The following INTS8 variants were observed in gnomAD, a reference collection of about 807,000 sequenced individuals.
INTS8 encodes integrator complex subunit 8.
INTS8 carries 47 observed loss-of-function variants against 138.9 expected under a neutral mutation model. The observed-to-expected ratio is 0.34, with a 90% CI of 0.27 to 0.43. INTS8 has a LOEUF of 0.43. Ranked by LOEUF, INTS8 falls within the 20% of genes least tolerant of loss-of-function variation. INTS8 has a pLI of 1.00. For missense variants in INTS8, 996 were observed against 1,173.0 expected (o/e 0.85, Z 2.20); for synonymous variants, 392 against 400.9 (o/e 0.98, Z 0.27).
At chr8:94,871,177 T>C (rs1038761237) in intron 20 of INTS8, among the ~76,000 whole-genome samples, 6 of 151,956 alleles carry the variant, frequency 3.9e-5, no homozygotes, top group Middle Eastern at 3.2e-3. Context: ...AACTTAAAAA[T>C]CATTTGGGGG....
chr8:94,858,051 T>C (rs1012834978), intron 15 of INTS8, among the ~76,000 whole-genome samples: 2 of 152,252 alleles, frequency 1.3e-5, no homozygotes, highest in Non-Finnish European at 2.9e-5. Context: ...GAGTGTTTAA[T>C]TCTAATTGTA....
chr8:94,846,990 A>G (rs1815355016), intron 10 of INTS8, among the ~76,000 whole-genome samples: 1 of 152,196 alleles, frequency 6.6e-6, no homozygotes, highest in Non-Finnish European at 1.5e-5. Context: ...TGGTTTGCCA[A>G]TATATGAAGA....
chr8:94,865,432 T>C (rs1222874452), intron 16 of INTS8, 74 bp from the exon 17 acceptor site: 1 of 1,173,958 alleles, frequency 8.5e-7, no homozygotes, highest in Non-Finnish European at 1.2e-6. Flanking sequence ...TTTCCTCCAG[T>C]GTGCCTTGAT....
chr8:94,847,114 C>G (rs1815359564), intron 10 of INTS8, among the ~76,000 whole-genome samples: 1 of 152,082 alleles, frequency 6.6e-6, no homozygotes, highest in Non-Finnish European at 1.5e-5. Context: ...AATCTTGACT[C>G]ACTACAACTT....
intron 16 of INTS8, among the ~76,000 whole-genome samples, chr8:94,860,579 C>CAAAAAAA (rs58945163): frequency 2.5e-5 from 1 of 39,458 alleles, no homozygotes; most frequent in Admixed American, 3.0e-4. Flanking sequence ...AACTCTACCT[C>CAAAAAAA]AAAAAAAAAA....
intron 12 of INTS8, among the ~76,000 whole-genome samples, chr8:94,850,345 G>T (rs1372369499): frequency 6.6e-6 from 1 of 152,210 alleles, no homozygotes; most frequent in Non-Finnish European, 1.5e-5. Flanking sequence ...GGGCGTGGTG[G>T]CTCACGCCTG....
At chr8:94,853,781 A>G (rs777303354) in intron 13 of INTS8, 24 bp from the exon 14 acceptor site, 6 of 1,264,992 alleles carry the variant, frequency 4.7e-6, no homozygotes, top group South Asian at 2.4e-5. Flanking sequence ...GTGCATATAT[A>G]TATGTATTTT....
intron 20 of INTS8, among the ~76,000 whole-genome samples, chr8:94,869,036 G>T (rs1470677798): frequency 6.7e-6 from 1 of 148,954 alleles, no homozygotes; most frequent in Admixed American, 6.8e-5. Context: ...AGGCTGGAGT[G>T]CAGTGGCGCA....
At chr8:94,856,135 A>G (rs1328336728) in intron 14 of INTS8, among the ~76,000 whole-genome samples, 1 of 152,238 alleles carries the variant, frequency 6.6e-6, no homozygotes. Context: ...GAAAAGGGCA[A>G]TACATAGCAC....
In INTS8 at chr8:94,860,962, C is replaced by T. The variant is rs376284988; in HGVS notation, c.2076+1330C>T. Reference sequence around the variant, plus strand: ...GTCCCAGCTACTCGGGAGGCTGAGGCAGGAGAATGGCATGAACCCGGGAGG... The same window carrying T: ...GTCCCAGCTACTCGGGAGGCTGAGGTAGGAGAATGGCATGAACCCGGGAGG... On this transcript the variant is annotated intron_variant, in intron 16 of 26. Coordinates refer to ENST00000523731, the MANE Select transcript of INTS8 (RefSeq NM_017864.4). 4.0e-5 allele frequency among the ~76,000 whole-genome samples: 6 copies of T among 148,820 alleles called. No homozygotes were observed. In the East Asian group the frequency reaches 1.2e-3, roughly 30 times the overall value.
At chr8:94,832,270 T>G (rs986234354) in intron 6 of INTS8, 96 bp downstream of exon 6, 11 of 876,382 alleles carry the variant, frequency 1.3e-5, no homozygotes, top group Middle Eastern at 2.2e-4. Flanking sequence ...ATTTCTGCCT[T>G]TGTCTCTTAA....
chr8:94,874,091 A>G (rs1816494426), intron 22 of INTS8, among the ~76,000 whole-genome samples: 1 of 152,194 alleles, frequency 6.6e-6, no homozygotes, highest in Non-Finnish European at 1.5e-5. Context: ...ATCTACTCTC[A>G]GCAATTTTTT....
chr8:94,830,131 A>G (rs1393459972), intron 5 of INTS8, among the ~76,000 whole-genome samples: 3 of 152,154 alleles, frequency 2.0e-5, no homozygotes, highest in African/African-American at 7.2e-5. Flanking sequence ...CCTGACCTCA[A>G]GTGATCCACC....
At chr8:94,848,392 G>T (rs1018181375) in intron 10 of INTS8, among the ~76,000 whole-genome samples, 1 of 152,056 alleles carries the variant, frequency 6.6e-6, no homozygotes, top group Non-Finnish European at 1.5e-5. Context: ...AAGTCAGTGC[G>T]TTTTAGTGTA....
rs1329681030 is a variant in INTS8 at position 94,880,968 on chromosome 8, T to C, written c.*734T>C. ...TAATTTCTTTGGTACTCCCACTGTTTAGAGCACAGGTTGAACACCATGTTC... is the reference window on the plus strand; with the variant it reads ...TAATTTCTTTGGTACTCCCACTGTTCAGAGCACAGGTTGAACACCATGTTC... On this transcript the variant is annotated 3_prime_UTR_variant, in exon 27 of 27. Coordinates refer to ENST00000523731, the MANE Select transcript of INTS8 (RefSeq NM_017864.4). The C allele has an allele frequency of 7.5e-6, 3 of 398,688 alleles. No homozygotes were observed. Among genetic ancestry groups the C allele is most frequent in the South Asian group, 1.3e-4 (1 of 7,866 alleles). 24.7% of individuals were successfully genotyped at this position (398,688 alleles called of 1,614,324 possible). A position where few individuals can be genotyped will look rare whatever the true frequency, so the allele number is the denominator to read the frequency against.
chr8:94,851,061 C>T (rs1481187756), intron 12 of INTS8, among the ~76,000 whole-genome samples: 2 of 152,090 alleles, frequency 1.3e-5, no homozygotes, highest in East Asian at 1.9e-4. Context: ...TATTGAAGAC[C>T]GTATCTGATA....
At chr8:94,875,620 T>C (rs1295489991) in intron 23 of INTS8, among the ~76,000 whole-genome samples, 1 of 152,190 alleles carries the variant, frequency 6.6e-6, no homozygotes, top group East Asian at 1.9e-4. Flanking sequence ...TTATGGTTTC[T>C]GAATTAAATT....
At position 94,866,178 on chromosome 8, in the gene INTS8, T is replaced by A; in HGVS notation, c.2282T>A (p.Ile761Asn). The A allele has an allele frequency of 7.6e-7, 1 of 1,316,204 alleles. No homozygotes were observed. The highest frequency in any genetic ancestry group is 1.1e-6 in the Non-Finnish European group (1 of 927,790). The allele number at this position is 1,316,204 out of a possible 1,614,324, so 81.5% of individuals were successfully genotyped here. The change falls in exon 18 of 27, where the codon ATC becomes AAC. Residue 761 changes from isoleucine to asparagine, a missense_variant. Transcript: ENST00000523731. ...TGTAGGAGTGAACTGCTTTCTTTTATCAAAAAATTACGAGTAAGTTTTATT... is the reference window on the plus strand; with the variant it reads ...TGTAGGAGTGAACTGCTTTCTTTTAACAAAAAATTACGAGTAAGTTTTATT... Reference protein sequence around the residue: ...IMYRSELLSFIKKLREPLVLT... With the variant: ...IMYRSELLSFNKKLREPLVLT...
At chr8:94,848,795 G>A (rs993018289) in intron 10 of INTS8, among the ~76,000 whole-genome samples, 6 of 151,992 alleles carry the variant, frequency 3.9e-5, no homozygotes, top group Admixed American at 6.6e-5. Context: ...GTGTGTCAAC[G>A]TAAAAAATAT....
Sources: allele counts gnomAD v4.1 joint callset (sites outside exome capture counted in the v4.1 genomes callset), GRCh38; gene constraint gnomAD v4.1.1; transcripts MANE v1.5; gene names NCBI Gene and HGNC (gene_info 2026-07-23, HGNC 2026-07-21).